The following CHCHD3 variants were observed in gnomAD, a reference collection of about 807,000 sequenced individuals.
The protein encoded by CHCHD3 is MICOS complex subunit MIC19.
In CHCHD3, 20 loss-of-function variants were observed where a neutral mutation model predicts 38.2. That is an observed-to-expected ratio of 0.52 (90% CI 0.37 to 0.76). The LOEUF (loss-of-function observed/expected upper bound fraction) is 0.76, where lower values mean the gene tolerates loss of function less well. CHCHD3 is among the 30% of genes least tolerant of loss of function. The pLI, the probability that CHCHD3 is intolerant of heterozygous loss-of-function variation, is 0.00. For missense variants in CHCHD3, 245 were observed against 279.2 expected, an observed-to-expected ratio of 0.88 and a Z score of 0.87; for synonymous variants, 82 against 100.0, an observed-to-expected ratio of 0.82 and a Z score of 1.07.
chr7:132,908,140 G>C (rs1220561278), intron 4 of CHCHD3, among the ~76,000 whole-genome samples: 1 of 152,144 alleles, frequency 6.6e-6, no homozygotes, highest in African/African-American at 2.4e-5. Flanking sequence ...GGAAATTTGG[G>C]ACAAATCATT....
intron 1 of CHCHD3, among the ~76,000 whole-genome samples, chr7:133,076,122 C>T (rs1033374916): frequency 6.7e-6 from 1 of 149,496 alleles, no homozygotes; most frequent in Non-Finnish European, 1.5e-5. Context: ...CTGAACCGGG[C>T]ACTTGTTTAA....
At chr7:132,791,237 C>A (rs1806451902) in intron 7 of CHCHD3, among the ~76,000 whole-genome samples, 1 of 152,172 alleles carries the variant, frequency 6.6e-6, no homozygotes, top group Admixed American at 6.5e-5. Context: ...TGGGTGGGTA[C>A]ATTTTAAGCA....
intron 4 of CHCHD3, among the ~76,000 whole-genome samples, chr7:132,903,993 C>T (rs1809732409): frequency 6.6e-6 from 1 of 152,160 alleles, no homozygotes; most frequent in African/African-American, 2.4e-5. Flanking sequence ...GGCATGGTGG[C>T]TCATGCCTGT....
At chr7:132,791,351 G>C (rs1379461289) in intron 7 of CHCHD3, among the ~76,000 whole-genome samples, 1 of 152,124 alleles carries the variant, frequency 6.6e-6, no homozygotes, top group Non-Finnish European at 1.5e-5. Context: ...TCTGGGTTCT[G>C]CCCTTCTACA....
chr7:132,843,408 G>A (rs1468657847), intron 5 of CHCHD3, among the ~76,000 whole-genome samples: 1 of 152,114 alleles, frequency 6.6e-6, no homozygotes, highest in East Asian at 1.9e-4. Flanking sequence ...AACAATGCGA[G>A]AATAATATAG....
chr7:132,957,402 C>T (rs1023663848), intron 4 of CHCHD3, among the ~76,000 whole-genome samples: 5 of 152,174 alleles, frequency 3.3e-5, no homozygotes, highest in African/African-American at 7.2e-5. Flanking sequence ...GAAATGGCTG[C>T]GCCACTCCAA....
At chr7:132,816,444 C>T (rs570787762) in intron 6 of CHCHD3, among the ~76,000 whole-genome samples, 2,444 of 152,310 alleles carry the variant, frequency 0.016, 57 homozygotes, top group African/African-American at 0.055. Flanking sequence ...ATGACAGTCA[C>T]TAGATTGCCT....
chr7:132,970,705 G>T (rs913449177), intron 4 of CHCHD3, among the ~76,000 whole-genome samples: 1 of 151,956 alleles, frequency 6.6e-6, no homozygotes, highest in East Asian at 1.9e-4. Flanking sequence ...AGTAATGGAA[G>T]AATTTTGAAG....
intron 7 of CHCHD3, among the ~76,000 whole-genome samples, chr7:132,789,413 T>C (rs1585514940): frequency 6.6e-6 from 1 of 152,160 alleles, no homozygotes; most frequent in Admixed American, 6.5e-5. Flanking sequence ...ACTGCTCTTT[T>C]CCCAAGTCTT....
At chr7:132,815,256 G>A (rs1351706304) in intron 6 of CHCHD3, among the ~76,000 whole-genome samples, 2 of 152,172 alleles carry the variant, frequency 1.3e-5, no homozygotes, top group Admixed American at 1.3e-4. Flanking sequence ...CAGTATTTAG[G>A]AGTGAGGCCA....
intron 3 of CHCHD3, among the ~76,000 whole-genome samples, chr7:133,008,108 C>T (rs1812751068): frequency 6.6e-6 from 1 of 152,120 alleles, no homozygotes; most frequent in African/African-American, 2.4e-5. Flanking sequence ...AATAGTGCAA[C>T]CAATTCATGA....
At chr7:132,971,173 A>G (rs922679338) in intron 4 of CHCHD3, among the ~76,000 whole-genome samples, 4 of 152,234 alleles carry the variant, frequency 2.6e-5, no homozygotes, top group Non-Finnish European at 5.9e-5. Flanking sequence ...CATTAACTTT[A>G]CAAATTCCCT....
chr7:133,056,943 ACTCT>A (rs10609541), intron 2 of CHCHD3, among the ~76,000 whole-genome samples: 3 of 150,062 alleles, frequency 2.0e-5, no homozygotes, highest in South Asian at 2.1e-4. Flanking sequence ...ACATGAGCTC[ACTCT>A]CTCTCTCTCT....
intron 1 of CHCHD3, among the ~76,000 whole-genome samples, chr7:133,076,324 T>C (rs890809030): frequency 3.9e-5 from 6 of 152,024 alleles, no homozygotes; most frequent in African/African-American, 1.5e-4. Flanking sequence ...AGTCCGTGGG[T>C]CAATTACTCA....
rs555649890 is a variant in CHCHD3, at chr7:133,068,890, G to C, written c.169+1252C>G. 7.2e-4 allele frequency among the ~76,000 whole-genome samples: 109 copies of C among 152,234 alleles called. 1 individual carries two copies. The highest frequency in any genetic ancestry group is 1.2e-3 in the Non-Finnish European group (81 of 68,032). ...AGGTTGATTTGGGATATGTCAAGTT[G>C]AGGAATCTGTAAGGGGAGATTTTAA... On this transcript the variant is annotated intron_variant, in intron 2 of 7. Transcript: ENST00000262570.
chr7:132,961,408 G>A (rs1234961292), intron 4 of CHCHD3, among the ~76,000 whole-genome samples: 1 of 152,012 alleles, frequency 6.6e-6, no homozygotes. Flanking sequence ...CAAAAATTTG[G>A]GTCACTTAAT....
chr7:132,853,626 A>C (rs1297153826), intron 5 of CHCHD3, among the ~76,000 whole-genome samples: 2 of 152,158 alleles, frequency 1.3e-5, no homozygotes, highest in African/African-American at 4.8e-5. Flanking sequence ...TGTCTCAAAA[A>C]AATAAAAATA....
chr7:133,038,671 C>A (rs1813745321), intron 2 of CHCHD3, among the ~76,000 whole-genome samples: 1 of 152,164 alleles, frequency 6.6e-6, no homozygotes, highest in South Asian at 2.1e-4. Flanking sequence ...TAAGCTAAGT[C>A]AGATATAAGG....
Position 132,955,442 on chromosome 7 carries a change from A to G in CHCHD3, c.369+19727T>C, listed in dbSNP as rs116947780. Among the ~76,000 whole-genome samples the G allele has an allele frequency of 9.0e-4, 137 of 152,190 alleles. No individual in the cohort carries two copies. In the East Asian group the frequency reaches 0.022, roughly 24 times the overall value. On this transcript the variant is annotated intron_variant, in intron 4 of 7. Transcript: ENST00000262570. ...AGAAAGTGGAGGCAATTGCTTTCAC[A>G]GTTAATTTAATGTCCATCAACTAGA...
Sources: gnomAD v4.1 joint callset for allele counts (sites outside exome capture counted in the v4.1 genomes callset) on GRCh38, gnomAD v4.1.1 for gene constraint, MANE v1.5 for transcripts, NCBI Gene and HGNC (gene_info 2026-07-23, HGNC 2026-07-21) for gene names.